Variants in PDE4D observed in about 807,000 individuals in gnomAD.
The protein encoded by PDE4D is phosphodiesterase 4D.
In PDE4D, 24 loss-of-function variants were observed where a neutral mutation model predicts 87.4. The ratio of observed to expected loss-of-function variants is 0.27; its 90% CI spans 0.20 to 0.39. PDE4D has a LOEUF of 0.39. PDE4D is among the 10% of genes least tolerant of loss of function. The pLI, the probability that PDE4D is intolerant of heterozygous loss-of-function variation, is 1.00. For synonymous variants in PDE4D, 384 were observed against 383.2 expected (o/e 1.00, Z -0.02); for missense variants, 714 against 1,041.0 (o/e 0.69, Z 4.32).
intron 1 of PDE4D, among the ~76,000 whole-genome samples, chr5:60,508,976 T>C (rs1750446016): frequency 6.6e-6 from 1 of 152,090 alleles, no homozygotes; most frequent in East Asian, 1.9e-4. Context: ...CTCGGTTCAC[T>C]GCAACCTCCG....
intron 2 of PDE4D, among the ~76,000 whole-genome samples, chr5:59,994,245 TAG>T (rs1406212264): frequency 2.0e-5 from 3 of 151,668 alleles, no homozygotes; most frequent in Admixed American, 1.3e-4. Flanking sequence ...CATATATATA[TAG>T]AGAGGGGGGA....
intron 1 of PDE4D, among the ~76,000 whole-genome samples, chr5:59,669,287 A>G (rs780654949): frequency 2.6e-5 from 4 of 151,880 alleles, no homozygotes; most frequent in Non-Finnish European, 2.9e-5. Context: ...CTAATTTTGT[A>G]TTTTTGGTAG....
At chr5:59,684,037 C>T (rs1206472591) in intron 1 of PDE4D, among the ~76,000 whole-genome samples, 2 of 152,144 alleles carry the variant, frequency 1.3e-5, no homozygotes, top group African/African-American at 2.4e-5. Flanking sequence ...ACATGCAAGG[C>T]TCTCTGTACT....
At chr5:59,652,334 A>G (rs1743643430) in intron 1 of PDE4D, among the ~76,000 whole-genome samples, 1 of 152,220 alleles carries the variant, frequency 6.6e-6, no homozygotes, top group South Asian at 2.1e-4. Flanking sequence ...AAGCTACTGA[A>G]AAAATGAACC....
intron 1 of PDE4D, among the ~76,000 whole-genome samples, chr5:60,240,495 C>T (rs1340490010): frequency 6.6e-6 from 1 of 152,090 alleles, no homozygotes; most frequent in Non-Finnish European, 1.5e-5. Context: ...CTGAAGAGTC[C>T]TTGGGCCTTA....
intron 5 of PDE4D, among the ~76,000 whole-genome samples, chr5:59,069,322 A>C (rs1020808441): frequency 7.2e-5 from 11 of 152,292 alleles, no homozygotes; most frequent in African/African-American, 2.4e-4. Flanking sequence ...AGATAAAGAA[A>C]AGTTTATAGC....
At chr5:60,337,388 T>TATATATATACATACACAC (rs66871903) in intron 1 of PDE4D, among the ~76,000 whole-genome samples, 1 of 89,478 alleles carries the variant, frequency 1.1e-5, no homozygotes, top group East Asian at 3.8e-4. Context: ...TATATATATA[T>TATATATATACATACACAC]ACACACACAC....
At chr5:59,642,016 A>T (rs1297582906) in intron 1 of PDE4D, among the ~76,000 whole-genome samples, 1 of 152,170 alleles carries the variant, frequency 6.6e-6, no homozygotes, top group Non-Finnish European at 1.5e-5. Flanking sequence ...CTAATGGTTC[A>T]TTCTTATAAA....
At chr5:60,046,681 G>C (rs370721270) in intron 2 of PDE4D, among the ~76,000 whole-genome samples, 1 of 151,966 alleles carries the variant, frequency 6.6e-6, no homozygotes, top group Admixed American at 6.6e-5. Flanking sequence ...ATTGATTTGC[G>C]TATATTGAAC....
intron 5 of PDE4D, among the ~76,000 whole-genome samples, chr5:59,144,054 A>C (rs984947526): frequency 6.6e-6 from 1 of 152,244 alleles, no homozygotes; most frequent in African/African-American, 2.4e-5. Flanking sequence ...TGCTTTAAAG[A>C]TCACAGATCC....
At chr5:59,501,776 G>A (rs1417851920) in intron 1 of PDE4D, among the ~76,000 whole-genome samples, 2 of 152,160 alleles carry the variant, frequency 1.3e-5, no homozygotes, top group African/African-American at 2.4e-5. Context: ...GGAAAGACTG[G>A]CACAGCAAGA....
chr5:60,505,069 G>A (rs1750264323), intron 1 of PDE4D, among the ~76,000 whole-genome samples: 1 of 152,218 alleles, frequency 6.6e-6, no homozygotes, highest in African/African-American at 2.4e-5. Context: ...CTGAAAGCTA[G>A]CATTTCTTGT....
At chr5:60,008,415 A>G (rs1271031506) in intron 2 of PDE4D, among the ~76,000 whole-genome samples, 3 of 152,052 alleles carry the variant, frequency 2.0e-5, no homozygotes, top group Non-Finnish European at 4.4e-5. Flanking sequence ...CCGCAAATTC[A>G]AATTTCTAAA....
chr5:59,583,801 A>C (rs1393098775), intron 1 of PDE4D, among the ~76,000 whole-genome samples: 1 of 152,190 alleles, frequency 6.6e-6, no homozygotes, highest in Non-Finnish European at 1.5e-5. Flanking sequence ...AAATTTGAAG[A>C]CTACCCTAGA....
intron 3 of PDE4D, among the ~76,000 whole-genome samples, chr5:59,907,836 T>C (rs771105571): frequency 6.6e-5 from 10 of 152,074 alleles, no homozygotes; most frequent in Non-Finnish European, 1.5e-4. Context: ...GCAAGAGCTA[T>C]TCTCTTTACA....
intron 1 of PDE4D, among the ~76,000 whole-genome samples, chr5:60,265,337 T>C (rs1750084192): frequency 6.6e-6 from 1 of 152,176 alleles, no homozygotes; most frequent in Non-Finnish European, 1.5e-5. Context: ...CACAAGAGGA[T>C]GTGACTGGCT....
chr5:60,220,746 T>C (rs1744401688), intron 1 of PDE4D, among the ~76,000 whole-genome samples: 1 of 152,180 alleles, frequency 6.6e-6, no homozygotes. Flanking sequence ...TTCAGCCATT[T>C]TTCTCAATTA....
Position 59,088,933 on chromosome 5 carries a change from TAA to T in PDE4D, c.809-49964_809-49963del, listed in dbSNP as rs1768202555. ...AAATCTGTACATGTACCCCTGAACT[TAA>T]AAGTTAAAAAGAAATAAAAAATAAA... On this transcript the variant is annotated intron_variant, in intron 5 of 14. Transcript: ENST00000340635. Among the ~76,000 whole-genome samples, 3 of 152,224 alleles carry T rather than the reference TAA, an allele frequency of 2.0e-5. No homozygotes were observed. In the South Asian group the frequency reaches 6.2e-4, roughly 32 times the overall value.
intron 3 of PDE4D, among the ~76,000 whole-genome samples, chr5:59,900,128 C>A (rs1752080951): frequency 6.6e-6 from 1 of 151,714 alleles, no homozygotes; most frequent in African/African-American, 2.4e-5. Flanking sequence ...TAACCCCAGC[C>A]TCTCTGGAGC....
Sources: gnomAD v4.1 joint callset for allele counts (sites outside exome capture counted in the v4.1 genomes callset) on GRCh38, gnomAD v4.1.1 for gene constraint, MANE v1.5 for transcripts, NCBI Gene and HGNC (gene_info 2026-07-23, HGNC 2026-07-21) for gene names.